Variants in KATNIP observed in about 807,000 individuals in gnomAD.
The protein encoded by KATNIP is katanin interacting protein.
In KATNIP, 126 loss-of-function variants were observed where a neutral mutation model predicts 174.0. The ratio of observed to expected loss-of-function variants is 0.72; its 90% CI spans 0.63 to 0.84. The LOEUF (loss-of-function observed/expected upper bound fraction) is 0.84, where lower values mean the gene tolerates loss of function less well. Ranked by LOEUF, KATNIP falls within the 40% of genes least tolerant of loss-of-function variation. KATNIP has a pLI of 0.00. For synonymous variants in KATNIP, 810 were observed against 835.7 expected (o/e 0.97, Z 0.53); for missense variants, 1,958 against 2,109.7 (o/e 0.93, Z 1.41).
intron 15 of KATNIP, among the ~76,000 whole-genome samples, chr16:27,743,356 C>A (rs186202009): frequency 1.3e-5 from 2 of 152,220 alleles, no homozygotes; most frequent in Admixed American, 6.5e-5. Context: ...AGCAGATATA[C>A]CCCTGACATG....
chr16:27,654,679 T>C, intron 6 of KATNIP: 1 of 1,351,786 alleles, frequency 7.4e-7, no homozygotes, highest in Non-Finnish European at 9.8e-7. Context: ...GTGGACATTC[T>C]GACCCTTCAA....
At chr16:27,582,255 T>C (rs957411210) in intron 2 of KATNIP, among the ~76,000 whole-genome samples, 2 of 152,128 alleles carry the variant, frequency 1.3e-5, no homozygotes, top group Non-Finnish European at 2.9e-5. Flanking sequence ...CAGATCTCAA[T>C]TGCTTTGTTT....
At chr16:27,743,451 A>G (rs1175187409) in intron 15 of KATNIP, among the ~76,000 whole-genome samples, 2 of 152,054 alleles carry the variant, frequency 1.3e-5, no homozygotes, top group Non-Finnish European at 2.9e-5. Context: ...AGCCTTACAA[A>G]TTTTTGCTGC....
At chr16:27,630,342 A>G (rs1436313854) in intron 4 of KATNIP, among the ~76,000 whole-genome samples, 6 of 152,272 alleles carry the variant, frequency 3.9e-5, no homozygotes, top group Admixed American at 3.9e-4. Context: ...GTCACACAGT[A>G]ACTGATTTGT....
intron 1 of KATNIP, among the ~76,000 whole-genome samples, chr16:27,557,947 C>T (rs2089697951): frequency 1.3e-5 from 2 of 152,020 alleles, no homozygotes; most frequent in African/African-American, 4.8e-5. Context: ...AACAATTGTC[C>T]CACCACCCGA....
intron 2 of KATNIP, among the ~76,000 whole-genome samples, chr16:27,591,311 A>C (rs1342375111): frequency 1.3e-5 from 2 of 151,758 alleles, no homozygotes; most frequent in East Asian, 3.9e-4. Context: ...CAGCCTCCTG[A>C]GTAGCTGGTA....
At chr16:27,688,608 AAATCAG>A (rs1361813590) in intron 8 of KATNIP, among the ~76,000 whole-genome samples, 4 of 152,234 alleles carry the variant, frequency 2.6e-5, no homozygotes, top group Non-Finnish European at 5.9e-5. Flanking sequence ...AAAATAAAAT[AAATCAG>A]ATTATTGGGC....
At chr16:27,654,398 A>G (rs2077203489) in intron 6 of KATNIP, among the ~76,000 whole-genome samples, 1 of 152,130 alleles carries the variant, frequency 6.6e-6, no homozygotes, top group Admixed American at 6.5e-5. Context: ...CTGAGTTTGG[A>G]TCCTGGTCCA....
At chr16:27,725,791 C>T (rs1292632532) in intron 14 of KATNIP, among the ~76,000 whole-genome samples, 2 of 152,220 alleles carry the variant, frequency 1.3e-5, no homozygotes, top group Admixed American at 6.5e-5. Context: ...TCATCCACAG[C>T]GTCACCACGC....
At chr16:27,648,127 T>C (rs555471167) in intron 5 of KATNIP, among the ~76,000 whole-genome samples, 1 of 152,146 alleles carries the variant, frequency 6.6e-6, no homozygotes, top group African/African-American at 2.4e-5. Context: ...AAACCCCGTC[T>C]CTACTAAAAA....
rs1156724522 is a variant in KATNIP, at chr16:27,750,088, A to G, written c.3128A>G (p.Asp1043Gly). 3.1e-6 allele frequency: 5 copies of G among 1,614,204 alleles called. No individual in the cohort carries two copies. In the South Asian group the frequency reaches 5.5e-5, roughly 18 times the overall value. The change falls in exon 16 of 28, where the codon GAT (aspartate) becomes GGT (glycine). Residue 1043 changes from aspartate (D) to glycine (G), a missense_variant. By Grantham distance (94) the Asp-to-Gly change is moderately conservative. Around this residue, in one of 3 missense-constraint regions of KATNIP, gnomAD observed 1,557 missense variants for 1,617.8 expected, o/e 0.96. Coordinates refer to ENST00000261588, the MANE Select transcript of KATNIP (RefSeq NM_015202.5). ...NLIDGVNRTQ[D>G]DMHVWLAPFT... ...ATCGACGGGGTGAACAGGACCCAGGATGACATGCATGTCTGGCTGGCCCCC... is the reference window on the plus strand; with the variant it reads ...ATCGACGGGGTGAACAGGACCCAGGGTGACATGCATGTCTGGCTGGCCCCC...
chr16:27,581,817 CCA>C (rs2090710846), intron 2 of KATNIP, among the ~76,000 whole-genome samples: 1 of 152,170 alleles, frequency 6.6e-6, no homozygotes, highest in African/African-American at 2.4e-5. Flanking sequence ...AGCTTAGCTC[CCA>C]CTTGTAAGTG....
chr16:27,626,914 G>A (rs1405648089), intron 3 of KATNIP, among the ~76,000 whole-genome samples: 1 of 151,096 alleles, frequency 6.6e-6, no homozygotes, highest in Non-Finnish European at 1.5e-5. Context: ...GCAGTGAGCC[G>A]AGATCGCACC....
intron 8 of KATNIP, among the ~76,000 whole-genome samples, chr16:27,686,391 A>G (rs1485400182): frequency 6.6e-6 from 1 of 152,234 alleles, no homozygotes; most frequent in Non-Finnish European, 1.5e-5. Context: ...TTTGTCTGAT[A>G]TAAAGCTACT....
At chr16:27,713,337 A>G (rs955396068) in intron 13 of KATNIP, among the ~76,000 whole-genome samples, 1 of 152,140 alleles carries the variant, frequency 6.6e-6, no homozygotes, top group Admixed American at 6.6e-5. Flanking sequence ...GCACACTTAC[A>G]TGTATTGGGG....
At chr16:27,675,294 A>C (rs1253415243) in intron 6 of KATNIP, among the ~76,000 whole-genome samples, 1 of 152,186 alleles carries the variant, frequency 6.6e-6, no homozygotes, top group Non-Finnish European at 1.5e-5. Flanking sequence ...TTGTGAGACT[A>C]TTCACTACCA....
At chr16:27,655,258 G>A (rs1376688935) in intron 6 of KATNIP, among the ~76,000 whole-genome samples, 1 of 136,412 alleles carries the variant, frequency 7.3e-6, no homozygotes, top group Non-Finnish European at 1.6e-5. Flanking sequence ...TAAAGAGATG[G>A]AGTCTTGCTC....
At chr16:27,727,343 A>C (rs932510583) in intron 14 of KATNIP, 3 of 154,944 alleles carry the variant, frequency 1.9e-5, no homozygotes, top group African/African-American at 7.2e-5. Flanking sequence ...TGTGCACACC[A>C]CACACAGCTA....
Position 27,776,951 on chromosome 16 carries a change from C to T in KATNIP, c.4473C>T (p.Phe1491=), listed in dbSNP as rs878883526. ...PGLVNRVYVI[F]DLPTTVSMIK... Reference sequence around the variant, plus strand: ...AGGTGAACCGGGTTTATGTGATTTTCGATCTGCCTACCACCGTGTCAATGA... The same window carrying T: ...AGGTGAACCGGGTTTATGTGATTTTTGATCTGCCTACCACCGTGTCAATGA... The change falls in exon 25 of 28, where the codon TTC becomes TTT. Residue 1491 remains phenylalanine, a synonymous_variant. Coordinates refer to ENST00000261588, the MANE Select transcript of KATNIP (RefSeq NM_015202.5). This position sits in a 1 kb window ranked among gnomAD's most constrained non-coding sequence, Gnocchi z 4.7. 1.2e-6 allele frequency: 2 copies of T among 1,613,102 alleles called. No individual in the cohort carries two copies. The highest frequency in any genetic ancestry group is 1.3e-5 in the African/African-American group (1 of 75,012).
Sources: allele counts gnomAD v4.1 joint callset (sites outside exome capture counted in the v4.1 genomes callset), GRCh38; gene constraint gnomAD v4.1.1; regional missense constraint gnomAD v4.1.1; non-coding constraint Gnocchi (gnomAD v3.1); transcripts MANE v1.5; gene names NCBI Gene and HGNC (gene_info 2026-07-23, HGNC 2026-07-21).